Variants in SH3RF1 observed in about 807,000 individuals in gnomAD.
The protein encoded by SH3RF1 is E3 ubiquitin-protein ligase SH3RF1.
A neutral mutation model predicts 74.0 loss-of-function variants in SH3RF1; 32 were observed. The observed-to-expected ratio is 0.43, with a 90% confidence interval of 0.33 to 0.58. SH3RF1 has a LOEUF of 0.58. Ranked by LOEUF, SH3RF1 falls within the 20% of genes least tolerant of loss-of-function variation. The probability of loss-of-function intolerance (pLI) is 0.05; values close to 1 mark genes in which losing one functional copy is unlikely to be tolerated. For missense variants in SH3RF1, 954 were observed against 1,130.9 expected, an observed-to-expected ratio of 0.84 and a Z score of 2.24; for synonymous variants, 396 against 439.6, an observed-to-expected ratio of 0.90 and a Z score of 1.24.
chr4:169,200,430 T>C (rs191704466), intron 2 of SH3RF1, among the ~76,000 whole-genome samples: 23 of 152,268 alleles, frequency 1.5e-4, no homozygotes, highest in Non-Finnish European at 2.6e-4. Context: ...TCTCCACAGT[T>C]AGAAAATTTT....
intron 2 of SH3RF1, among the ~76,000 whole-genome samples, chr4:169,195,392 T>C (rs1364578058): frequency 6.6e-6 from 1 of 152,190 alleles, no homozygotes; most frequent in African/African-American, 2.4e-5. Context: ...TACAGTGATA[T>C]GTCTAGGTAT....
chr4:169,136,490 G>A lies in SH3RF1; in HGVS notation c.896C>T (p.Thr299Ile), dbSNP rs1340748562. 1 of 1,613,792 alleles carries A rather than the reference G, an allele frequency of 6.2e-7. No homozygotes were observed. The highest frequency in any genetic ancestry group is 2.2e-5 in the East Asian group (1 of 44,882). Residue 299 changes from threonine to isoleucine, a missense_variant, in exon 5 of 12, where the codon ACC becomes ATC. Around this residue, in one of 3 missense-constraint regions of SH3RF1, gnomAD observed 854 missense variants for 962.5 expected, o/e 0.89. Transcript: ENST00000284637. ...GGAAGTGAAGGAGTGCCGCTTTTTGGTGTTCTTCTTGGTGTCGGAGTGCTT... is the reference window on the plus strand; with the variant it reads ...GGAAGTGAAGGAGTGCCGCTTTTTGATGTTCTTCTTGGTGTCGGAGTGCTT... ...APKHSDTKKN[T>I]KKRHSFTSLT...
At chr4:169,192,845 TA>T (rs1734748452) in intron 2 of SH3RF1, among the ~76,000 whole-genome samples, 3 of 148,404 alleles carry the variant, frequency 2.0e-5, no homozygotes. Flanking sequence ...AGATGTGATA[TA>T]TATATCATAT....
intron 2 of SH3RF1, among the ~76,000 whole-genome samples, chr4:169,173,500 T>C (rs553084209): frequency 6.4e-4 from 97 of 152,124 alleles, no homozygotes; most frequent in African/African-American, 2.2e-3. Context: ...AAACAAGATA[T>C]AAATTGTCAC....
chr4:169,107,741 T>C (rs1278406718), intron 10 of SH3RF1, among the ~76,000 whole-genome samples: 1 of 152,228 alleles, frequency 6.6e-6, no homozygotes, highest in Non-Finnish European at 1.5e-5. Context: ...ACGTGAGCCT[T>C]ATCATTTACA....
At chr4:169,176,408 C>A (rs1037312926) in intron 2 of SH3RF1, among the ~76,000 whole-genome samples, 1 of 152,202 alleles carries the variant, frequency 6.6e-6, no homozygotes, top group Non-Finnish European at 1.5e-5. Context: ...AGCTACCTTA[C>A]ATGTTCAATA....
Position 169,156,391 on chromosome 4 carries a change from A to G in SH3RF1, c.669+13T>C. On this transcript the variant is annotated intron_variant, in intron 3 of 11. Coordinates refer to ENST00000284637, the MANE Select transcript of SH3RF1 (RefSeq NM_020870.4). ...GAGCTGGCAAACAGAAAACAAGCAC[A>G]TTCTACCTTTACCTTTGCAAATGGA... The G allele has an allele frequency of 6.4e-7, 1 of 1,559,030 alleles. No individual in the cohort carries two copies. The highest frequency in any genetic ancestry group is 8.7e-7 in the Non-Finnish European group (1 of 1,148,914).
At chr4:169,172,920 C>T (rs906404996) in intron 2 of SH3RF1, among the ~76,000 whole-genome samples, 1 of 152,164 alleles carries the variant, frequency 6.6e-6, no homozygotes, top group African/African-American at 2.4e-5. Flanking sequence ...CACTCTTGCT[C>T]TCTATTTTAG....
At chr4:169,165,973 C>T (rs1420271417) in intron 2 of SH3RF1, among the ~76,000 whole-genome samples, 1 of 152,014 alleles carries the variant, frequency 6.6e-6, no homozygotes, top group African/African-American at 2.4e-5. Context: ...TAAGATGAAT[C>T]CCAGACTCAA....
At chr4:169,242,306 G>A (rs1188435676) in intron 2 of SH3RF1, among the ~76,000 whole-genome samples, 4 of 151,976 alleles carry the variant, frequency 2.6e-5, no homozygotes, top group Non-Finnish European at 2.9e-5. Context: ...CTTATGCAGC[G>A]ACCCATGTTC....
intron 2 of SH3RF1, among the ~76,000 whole-genome samples, chr4:169,157,149 G>A (rs1409158342): frequency 6.6e-6 from 1 of 152,172 alleles, no homozygotes; most frequent in East Asian, 1.9e-4. Flanking sequence ...TTTAAGCTTG[G>A]TTGATAAAAA....
chr4:169,096,740 A>C, intron 11 of SH3RF1, 53 bp from the exon 12 acceptor site: 1 of 1,547,624 alleles, frequency 6.5e-7, no homozygotes, highest in South Asian at 1.2e-5. Flanking sequence ...GATTTTAAAA[A>C]ATGGTGTACT....
chr4:169,264,642 A>G (rs929774740), intron 2 of SH3RF1, among the ~76,000 whole-genome samples: 3 of 152,174 alleles, frequency 2.0e-5, no homozygotes, highest in Admixed American at 6.5e-5. Flanking sequence ...ACAAGCTCCA[A>G]TCCCGTATCT....
rs565937817 is a variant in SH3RF1 at position 169,251,590 on chromosome 4, G to C, written c.393+17230C>G. ...TGAGGTTGGCTTTCGTCCTTCAAAA[G>C]CTTTTAATGGACAGGTACATTTAAG... On this transcript the variant is annotated intron_variant, in intron 2 of 11. Transcript: ENST00000284637. Among the ~76,000 whole-genome samples, 8 of 152,314 alleles carry C rather than the reference G, an allele frequency of 5.3e-5. No homozygotes were observed. The South Asian group carries it at 1.7e-3, about 32-fold the overall frequency.
intron 11 of SH3RF1, among the ~76,000 whole-genome samples, chr4:169,099,022 A>C (rs1342527730): frequency 6.6e-6 from 1 of 152,214 alleles, no homozygotes; most frequent in Non-Finnish European, 1.5e-5. Flanking sequence ...TCAGGCCACA[A>C]CTCAGGCCTC....
At chr4:169,161,830 G>T (rs766710154) in intron 2 of SH3RF1, among the ~76,000 whole-genome samples, 2 of 152,196 alleles carry the variant, frequency 1.3e-5, no homozygotes, top group Admixed American at 6.5e-5. Context: ...CATAGTAATA[G>T]AAAGTACCAC....
intron 2 of SH3RF1, among the ~76,000 whole-genome samples, chr4:169,161,150 C>A (rs185121032): frequency 1.3e-5 from 2 of 152,326 alleles, no homozygotes; most frequent in East Asian, 3.9e-4. Context: ...GGAGAGAAAG[C>A]CAAAGAGAAA....
chr4:169,112,817 CAAG>C (rs1280974129), intron 10 of SH3RF1, among the ~76,000 whole-genome samples: 1 of 152,062 alleles, frequency 6.6e-6, no homozygotes, highest in Non-Finnish European at 1.5e-5. Flanking sequence ...ATGTTTGAAA[CAAG>C]AAGAACAAGA....
At chr4:169,152,536 G>A (rs1205124605) in intron 4 of SH3RF1, among the ~76,000 whole-genome samples, 2 of 152,116 alleles carry the variant, frequency 1.3e-5, no homozygotes, top group East Asian at 1.9e-4. Context: ...TCAGGAGTTC[G>A]AGACCAGCCT....
Sources: gnomAD v4.1 joint callset for allele counts (sites outside exome capture counted in the v4.1 genomes callset) on GRCh38, gnomAD v4.1.1 for gene constraint, gnomAD v4.1.1 regional missense constraint, MANE v1.5 for transcripts, NCBI Gene and HGNC (gene_info 2026-07-23, HGNC 2026-07-21) for gene names.